Variants in MAP4K3 observed in about 807,000 individuals in gnomAD.
The protein encoded by MAP4K3 is MAPK/ERK kinase kinase kinase 3.
In MAP4K3, 94 loss-of-function variants were observed where a neutral mutation model predicts 143.5. That is an observed-to-expected ratio of 0.65 (90% confidence interval 0.55 to 0.78). MAP4K3 has a LOEUF of 0.78. Among genes scored for constraint, MAP4K3 ranks in the 30% least tolerant of loss-of-function variants. The pLI is 0.00. For missense variants in MAP4K3, 1,077 were observed against 1,068.1 expected (o/e 1.01, Z -0.12); for synonymous variants, 416 against 347.2 (o/e 1.20, Z -2.20).
intron 1 of MAP4K3, among the ~76,000 whole-genome samples, chr2:39,384,532 G>T (rs1666441842): frequency 6.6e-6 from 1 of 152,182 alleles, no homozygotes; most frequent in Admixed American, 6.5e-5. Flanking sequence ...GGTAACAAGA[G>T]CAAAACTCCA....
At chr2:39,334,239 T>C (rs938560510) in intron 6 of MAP4K3, among the ~76,000 whole-genome samples, 3 of 152,176 alleles carry the variant, frequency 2.0e-5, no homozygotes, top group South Asian at 2.1e-4. Context: ...TCAAAGTAGA[T>C]AATGATGACT....
chr2:39,286,504 T>C (rs1379556785), intron 21 of MAP4K3, among the ~76,000 whole-genome samples: 1 of 152,214 alleles, frequency 6.6e-6, no homozygotes, highest in Non-Finnish European at 1.5e-5. Flanking sequence ...TAAGAGAAAC[T>C]ATCAAGAATC....
At chr2:39,389,764 C>T (rs1360919915) in intron 1 of MAP4K3, among the ~76,000 whole-genome samples, 2 of 152,058 alleles carry the variant, frequency 1.3e-5, no homozygotes, top group Admixed American at 6.5e-5. Context: ...ATAACATATT[C>T]TTCTAAAGGA....
intron 1 of MAP4K3, among the ~76,000 whole-genome samples, chr2:39,433,169 A>C (rs1259979353): frequency 6.6e-6 from 1 of 152,182 alleles, no homozygotes; most frequent in African/African-American, 2.4e-5. Context: ...AATGCCTAAG[A>C]AGCCCAGTCC....
intron 1 of MAP4K3, among the ~76,000 whole-genome samples, chr2:39,410,578 T>C (rs1415060553): frequency 6.6e-6 from 1 of 152,194 alleles, no homozygotes; most frequent in Non-Finnish European, 1.5e-5. Context: ...TACACAAGTG[T>C]GTGCAGAAAG....
intron 31 of MAP4K3, among the ~76,000 whole-genome samples, chr2:39,257,528 C>T (rs1401554230): frequency 1.3e-5 from 2 of 152,068 alleles, no homozygotes; most frequent in African/African-American, 4.8e-5. Context: ...AGGCCAGGCG[C>T]GGTGGCTCAC....
At chr2:39,318,564 G>T (rs533367381) in intron 12 of MAP4K3, among the ~76,000 whole-genome samples, 2 of 152,008 alleles carry the variant, frequency 1.3e-5, no homozygotes, top group Non-Finnish European at 2.9e-5. Context: ...CGGGCTTATA[G>T]TAACTAATAT....
chr2:39,270,307 T>C (rs752326308), intron 26 of MAP4K3, among the ~76,000 whole-genome samples: 118 of 152,362 alleles, frequency 7.7e-4, no homozygotes, highest in Non-Finnish European at 1.1e-3. Flanking sequence ...TAGTGATCTA[T>C]AGACTTGCCT....
At chr2:39,360,652 G>T (rs528509452) in intron 2 of MAP4K3, among the ~76,000 whole-genome samples, 1 of 152,260 alleles carries the variant, frequency 6.6e-6, no homozygotes, top group East Asian at 1.9e-4. Flanking sequence ...CTCACAGTGT[G>T]GCATGGCTGG....
At chr2:39,276,566 G>C (rs1681262342) in intron 24 of MAP4K3, among the ~76,000 whole-genome samples, 1 of 152,232 alleles carries the variant, frequency 6.6e-6, no homozygotes, top group Non-Finnish European at 1.5e-5. Flanking sequence ...TCTTTGGCAA[G>C]TTACTAATCC....
Position 39,278,316 on chromosome 2 carries a change from C to T in MAP4K3, c.1794+91G>A, listed in dbSNP as rs1681363291. ...AAACAAAAAAGAATAAAAGAGGCAG[C>T]AAGTCATGAAACTGAACCTTATTTC... On this transcript the variant is annotated intron_variant, in intron 24 of 33. Coordinates refer to ENST00000263881, the MANE Select transcript of MAP4K3 (RefSeq NM_003618.4). The T allele has an allele frequency of 4.8e-5, 32 of 665,748 alleles. 1 individual carries two copies. In the South Asian group the frequency reaches 7.7e-4, roughly 16 times the overall value. 41.2% of individuals were successfully genotyped at this position (665,748 alleles called of 1,614,324 possible).
chr2:39,314,435 G>A (rs773763352), intron 13 of MAP4K3, among the ~76,000 whole-genome samples: 9 of 152,000 alleles, frequency 5.9e-5, no homozygotes, highest in Non-Finnish European at 1.0e-4. Context: ...TGCCATTTTC[G>A]GAAAAATAGT....
intron 13 of MAP4K3, among the ~76,000 whole-genome samples, chr2:39,310,806 G>A (rs1053791791): frequency 2.0e-5 from 3 of 152,008 alleles, no homozygotes. Flanking sequence ...ATATCTCATT[G>A]GGGTTTTTCT....
At chr2:39,302,075 C>T (rs1682536451) in intron 15 of MAP4K3, among the ~76,000 whole-genome samples, 1 of 151,220 alleles carries the variant, frequency 6.6e-6, no homozygotes, top group Non-Finnish European at 1.5e-5. Flanking sequence ...AAACTGAGTT[C>T]AGCAGTATAT....
chr2:39,332,567 T>C, intron 7 of MAP4K3, among the ~76,000 whole-genome samples: 1 of 152,066 alleles, frequency 6.6e-6, no homozygotes, highest in East Asian at 1.9e-4. Flanking sequence ...AGATCTAATA[T>C]TTTCTAGTTT....
intron 2 of MAP4K3, among the ~76,000 whole-genome samples, chr2:39,375,349 T>C (rs868008572): frequency 6.6e-6 from 1 of 151,730 alleles, no homozygotes; most frequent in Non-Finnish European, 1.5e-5. Flanking sequence ...AAAACCGGAG[T>C]CTACTCAGTT....
At chr2:39,366,402 A>C (rs1304067410) in intron 2 of MAP4K3, among the ~76,000 whole-genome samples, 2 of 152,188 alleles carry the variant, frequency 1.3e-5, no homozygotes, top group Non-Finnish European at 2.9e-5. Context: ...GCGGAGACCA[A>C]GGTTTTATCA....
At chr2:39,316,050 A>AT (rs1040007737) in intron 12 of MAP4K3, among the ~76,000 whole-genome samples, 13 of 151,692 alleles carry the variant, frequency 8.6e-5, no homozygotes, top group African/African-American at 2.4e-4. Context: ...CAGAAGCTTT[A>AT]TTTTTTTTAA....
intron 1 of MAP4K3, among the ~76,000 whole-genome samples, chr2:39,381,340 T>A (rs1180000648): frequency 6.6e-6 from 1 of 152,236 alleles, no homozygotes; most frequent in Non-Finnish European, 1.5e-5. Flanking sequence ...AAATTCTTTT[T>A]AAATTGTTAA....
Sources: allele counts gnomAD v4.1 joint callset (sites outside exome capture counted in the v4.1 genomes callset), GRCh38; gene constraint gnomAD v4.1.1; transcripts MANE v1.5; gene names NCBI Gene and HGNC (gene_info 2026-07-23, HGNC 2026-07-21).